Variants in CTF1 observed in about 807,000 individuals in gnomAD.
CTF1 encodes cardiotrophin-1.
Under a neutral mutation model 10.9 loss-of-function variants are expected in CTF1, and 9 were observed. That is an observed-to-expected ratio of 0.83 (90% CI 0.50 to 1.44). The LOEUF (loss-of-function observed/expected upper bound fraction) is 1.44. Among genes scored for constraint, CTF1 ranks in the 40% most tolerant of loss-of-function variants. The pLI, the probability that CTF1 is intolerant of heterozygous loss-of-function variation, is 0.00. For synonymous variants in CTF1, 133 were observed against 138.8 expected, an observed-to-expected ratio of 0.96 and a Z score of 0.29; for missense variants, 259 against 275.3, an observed-to-expected ratio of 0.94 and a Z score of 0.42.
intron 2 of CTF1, among the ~76,000 whole-genome samples, chr16:30,901,230 G>A (rs2055398106): frequency 1.3e-5 from 2 of 152,240 alleles, no homozygotes; most frequent in East Asian, 1.9e-4. Context: ...ATATGATGTT[G>A]ATTCATTGAG....
At chr16:30,899,951 C>A (rs2055387692) in intron 2 of CTF1, among the ~76,000 whole-genome samples, 1 of 151,888 alleles carries the variant, frequency 6.6e-6, no homozygotes, top group Non-Finnish European at 1.5e-5. Context: ...CAGGGTCTTG[C>A]TGTATTGCCC....
At chr16:30,896,004 G>A (rs906700353), upstream of CTF1, among the ~76,000 whole-genome samples, 9 of 145,044 alleles carry the variant, frequency 6.2e-5, no homozygotes, top group Non-Finnish European at 1.0e-4. Context: ...GGTTAATGGG[G>A]TTGACGTATG....
At chr16:30,896,613 T>C, upstream of CTF1, 1 of 1,252,204 alleles carries the variant, frequency 8.0e-7, no homozygotes, top group Non-Finnish European at 1.0e-6. Context: ...AAGGGGGGCG[T>C]GAAGGGAGCC....
Position 30,902,179 on chromosome 16 carries a change from A to G in CTF1, c.246A>G (p.Pro82=). 1 of 1,227,474 alleles carries G rather than the reference A, an allele frequency of 8.1e-7. No individual in the cohort carries two copies. Among genetic ancestry groups the G allele is most frequent in the Non-Finnish European group, 1.0e-6 (1 of 986,120 alleles). The allele number at this position is 1,227,474 out of a possible 1,614,324, so 76.0% of individuals were successfully genotyped here. The change falls in exon 3 of 3, where the codon CCA becomes CCG. Residue 82 remains proline, a synonymous_variant. Transcript: ENST00000279804. ...CGGCTCCGAGCCACGCGGGGCTGCCAGTGCACGAGCGGCTGCGGCTGGACG... is the reference window on the plus strand; with the variant it reads ...CGGCTCCGAGCCACGCGGGGCTGCCGGTGCACGAGCGGCTGCGGCTGGACG... ...SAPAPSHAGL[P]VHERLRLDAA...
In CTF1 at chr16:30,902,846, A is replaced by G; in HGVS notation, c.*307A>G. 1 of 231,264 alleles carries G rather than the reference A, an allele frequency of 4.3e-6. No homozygotes were observed. The highest frequency in any genetic ancestry group is 8.4e-6 in the Non-Finnish European group (1 of 118,958). The allele number at this position is 231,264 out of a possible 1,614,324, so 14.3% of individuals were successfully genotyped here. The stretch of plus-strand genomic sequence containing the variant: ...CGCCACCACAGCCGGCTAATTTTTT[A>G]TTTAATTTTTTGTAGAGACGAGGTT... On this transcript the variant is annotated 3_prime_UTR_variant, in exon 3 of 3. Coordinates refer to ENST00000279804, the MANE Select transcript of CTF1 (RefSeq NM_001330.5).
chr16:30,901,281 A>C (rs1018700278), intron 2 of CTF1, among the ~76,000 whole-genome samples: 2 of 152,118 alleles, frequency 1.3e-5, no homozygotes, highest in African/African-American at 4.8e-5. Context: ...GAGGATAGGG[A>C]AGGGAATGAA....
intron 1 of CTF1, among the ~76,000 whole-genome samples, chr16:30,897,470 C>A (rs1433366749): frequency 6.6e-6 from 1 of 152,104 alleles, no homozygotes; most frequent in Non-Finnish European, 1.5e-5. Context: ...CACAGAAAAG[C>A]CGTTAAAAGA....
Position 30,902,348 on chromosome 16 carries a change from T to G in CTF1, c.415T>G (p.Leu139Val). 1 of 1,129,864 alleles carries G rather than the reference T, an allele frequency of 8.9e-7. No homozygotes were observed. The highest frequency in any genetic ancestry group is 1.1e-6 in the Non-Finnish European group (1 of 925,632). The allele number at this position is 1,129,864 out of a possible 1,614,324, so 70.0% of individuals were successfully genotyped here. A position where few individuals can be genotyped will look rare whatever the true frequency, so the allele number is the denominator to read the frequency against. The change falls in exon 3 of 3, where the codon TTG (leucine) becomes GTG (valine). Residue 139 changes from leucine (L) to valine (V), a missense_variant. Leu to Val is a conservative substitution (Grantham distance 32, BLOSUM62 1). Transcript: ENST00000279804. ...ARALGAAVEA[L>V]LAALGAANRG... The stretch of plus-strand genomic sequence containing the variant: ...GGCCCTGGGCGCCGCCGTGGAGGCC[T>G]TGCTGGCCGCGCTGGGCGCCGCCAA...
At position 30,903,150 on chromosome 16, in the gene CTF1, C is replaced by T. The variant is rs2055422820; in HGVS notation, c.*611C>T. 1 of 152,802 alleles carries T rather than the reference C, an allele frequency of 6.5e-6. No individual in the cohort carries two copies. Among genetic ancestry groups the T allele is most frequent in the African/African-American group, 2.4e-5 (1 of 41,472 alleles). 9.5% of individuals were successfully genotyped at this position (152,802 alleles called of 1,614,324 possible). ...GGTGTCTCTGTTTTTTCCATCCCCA[C>T]TTCCTGCCTTCTCGTGGCCCTGTGT... On this transcript the variant is annotated 3_prime_UTR_variant, in exon 3 of 3. Transcript: ENST00000279804.
intron 2 of CTF1, among the ~76,000 whole-genome samples, chr16:30,900,021 G>T (rs2055388102): frequency 6.6e-6 from 1 of 152,212 alleles, no homozygotes; most frequent in Admixed American, 6.5e-5. Flanking sequence ...GAGGTAGCCA[G>T]GTAGCCTGGG....
chr16:30,896,592 T>TC (rs1184753844), upstream of CTF1: 13 of 1,249,332 alleles, frequency 1.0e-5, no homozygotes, highest in Non-Finnish European at 1.0e-5. Flanking sequence ...TTCCCCTTTC[T>TC]CCCCCCTCGA....
intron 2 of CTF1, 146 bp from the exon 3 acceptor site, chr16:30,901,932 C>A: frequency 1.4e-6 from 1 of 691,614 alleles, no homozygotes; most frequent in South Asian, 4.8e-5. Context: ...CTTTGTTTTG[C>A]CTTAAACAGA....
At position 30,899,550 on chromosome 16, in the gene CTF1, G is replaced by A. The variant is rs747670333; in HGVS notation, c.144+17G>A. 3.6e-6 allele frequency: 5 copies of A among 1,371,120 alleles called. No homozygotes were observed. Among genetic ancestry groups the A allele is most frequent in the Non-Finnish European group, 5.2e-6 (5 of 967,728 alleles). 84.9% of individuals were successfully genotyped at this position (1,371,120 alleles called of 1,614,324 possible). A position where few individuals can be genotyped will look rare whatever the true frequency, so the allele number is the denominator to read the frequency against. On this transcript the variant is annotated intron_variant, in intron 2 of 2. Coordinates refer to ENST00000279804, the MANE Select transcript of CTF1 (RefSeq NM_001330.5). ...CAGGAATATGTGAGTGGGAATGGGG[G>A]TGGGGGTGCCGGGGGCCTGGGGAAT...
At chr16:30,898,932 T>C (rs1367635561) in intron 1 of CTF1, among the ~76,000 whole-genome samples, 1 of 152,202 alleles carries the variant, frequency 6.6e-6, no homozygotes, top group Non-Finnish European at 1.5e-5. Flanking sequence ...ATGCTAAGAT[T>C]ACAGACATCA....
At chr16:30,896,111 G>GT (rs1260133124), upstream of CTF1, among the ~76,000 whole-genome samples, 4 of 152,034 alleles carry the variant, frequency 2.6e-5, no homozygotes, top group African/African-American at 9.7e-5. Flanking sequence ...GGAGAGCAGT[G>GT]TATCTGTCTC....
intron 1 of CTF1, among the ~76,000 whole-genome samples, chr16:30,898,636 A>G (rs1256973408): frequency 2.0e-5 from 3 of 152,052 alleles, no homozygotes; most frequent in Non-Finnish European, 4.4e-5. Context: ...TATGTATTTT[A>G]ACTGTAGCTT....
In CTF1 at chr16:30,902,342, G is replaced by A. The variant is rs1337021707; in HGVS notation, c.409G>A (p.Glu137Lys). Residue 137 changes from glutamate (E) to lysine (K), a missense_variant, in exon 3 of 3, where the codon GAG (glutamate) becomes AAG (lysine). Glu to Lys is a moderately conservative substitution (Grantham distance 56). Transcript: ENST00000279804. ...GGCCCGGGCCCTGGGCGCCGCCGTG[G>A]AGGCCTTGCTGGCCGCGCTGGGCGC... ...RQARALGAAV[E>K]ALLAALGAAN... The A allele has an allele frequency of 2.7e-6, 3 of 1,103,138 alleles. No homozygotes were observed. Among genetic ancestry groups the A allele is most frequent in the African/African-American group, 1.7e-5 (1 of 59,532 alleles). 68.3% of individuals were successfully genotyped at this position (1,103,138 alleles called of 1,614,324 possible).
chr16:30,902,616 C>A lies in CTF1; in HGVS notation c.*77C>A. 1 of 1,404,262 alleles carries A rather than the reference C, an allele frequency of 7.1e-7. No homozygotes were observed. The highest frequency in any genetic ancestry group is 9.3e-7 in the Non-Finnish European group (1 of 1,073,526). The allele number at this position is 1,404,262 out of a possible 1,614,324, so 87.0% of individuals were successfully genotyped here. ...TCCGCTTCTTTGTCTTTCTCTGCCG[C>A]TGTCGGTGTCTGTCTGTCTGCTCTT... On this transcript the variant is annotated 3_prime_UTR_variant, in exon 3 of 3. Coordinates refer to ENST00000279804, the MANE Select transcript of CTF1 (RefSeq NM_001330.5).
intron 2 of CTF1, among the ~76,000 whole-genome samples, chr16:30,900,956 C>T (rs1485350953): frequency 2.0e-5 from 3 of 150,036 alleles, no homozygotes; most frequent in Non-Finnish European, 2.9e-5. Context: ...TGCAATGGTG[C>T]GATCTCAGTT....
Sources: gnomAD v4.1 joint callset for allele counts (sites outside exome capture counted in the v4.1 genomes callset) on GRCh38, gnomAD v4.1.1 for gene constraint, MANE v1.5 for transcripts, NCBI Gene and HGNC (gene_info 2026-07-23, HGNC 2026-07-21) for gene names.